DNAAF1: variants seen among roughly 807,000 people sequenced by gnomAD.
The protein encoded by DNAAF1 is dynein axonemal assembly factor 1.
Under a neutral mutation model 71.1 loss-of-function variants are expected in DNAAF1, and 65 were observed. The ratio of observed to expected loss-of-function variants is 0.91; its 90% confidence interval spans 0.75 to 1.12. DNAAF1 has a LOEUF of 1.12. DNAAF1 is among the 50% of genes most tolerant of loss of function. The pLI is 0.00. For missense variants in DNAAF1, 1,178 were observed against 899.8 expected (o/e 1.31, Z -3.96); for synonymous variants, 414 against 354.6 (o/e 1.17, Z -1.88).
Position 84,148,923 on chromosome 16 carries a change from G to A in DNAAF1, c.125-84G>A, listed in dbSNP as rs959853179. 12 of 1,493,328 alleles carry A rather than the reference G, an allele frequency of 8.0e-6. No individual in the cohort carries two copies. The Admixed American group carries it at 8.4e-5, about 10-fold the overall frequency. 92.5% of individuals were successfully genotyped at this position (1,493,328 alleles called of 1,614,324 possible). A position where few individuals can be genotyped will look rare whatever the true frequency, so the allele number is the denominator to read the frequency against. On this transcript the variant is annotated intron_variant, in intron 1 of 11. Coordinates refer to ENST00000378553, the MANE Select transcript of DNAAF1 (RefSeq NM_178452.6). Reference sequence around the variant, plus strand: ...ATACTGGTGTTCTATACTAAAAGTGGATGGTCATTAACCAAGCTGAAGTTG... The same window carrying A: ...ATACTGGTGTTCTATACTAAAAGTGAATGGTCATTAACCAAGCTGAAGTTG...
At chr16:84,149,456 C>A (rs1317161539) in intron 2 of DNAAF1, among the ~76,000 whole-genome samples, 1 of 152,082 alleles carries the variant, frequency 6.6e-6, no homozygotes, top group Non-Finnish European at 1.5e-5. Context: ...CTTTGGGAGG[C>A]TGAGGTGGGC....
intron 5 of DNAAF1, among the ~76,000 whole-genome samples, chr16:84,157,756 T>C (rs2087507354): frequency 6.6e-6 from 1 of 152,134 alleles, no homozygotes; most frequent in African/African-American, 2.4e-5. Context: ...CAAATCATAG[T>C]TCAGGAACAA....
Position 84,154,694 on chromosome 16 carries a change from T to G in DNAAF1, c.470T>G (p.Phe157Cys). The G allele has an allele frequency of 6.2e-7, 1 of 1,614,162 alleles. No homozygotes were observed. Among genetic ancestry groups the G allele is most frequent in the Non-Finnish European group, 8.5e-7 (1 of 1,180,042 alleles). Residue 157 changes from phenylalanine to cysteine, a missense_variant, in exon 4 of 12, where the codon TTC becomes TGC. Physicochemically the swap from Phe to Cys is radical, Grantham distance 205. Transcript: ENST00000378553. ...GCCCAAACTGAGTTGCGTTGCCTCT[T>G]CTTGCAAATGAACTTGCTCCGTAAA... is the stretch of plus-strand genomic sequence containing the variant. ...LEAQTELRCL[F>C]LQMNLLRKIE... is the part of the protein sequence containing the mutation.
At chr16:84,146,675 G>A (rs1362864130) in intron 1 of DNAAF1, among the ~76,000 whole-genome samples, 1 of 151,922 alleles carries the variant, frequency 6.6e-6, no homozygotes, top group Non-Finnish European at 1.5e-5. Flanking sequence ...CAAGGGGGAG[G>A]CTGAGGCTGC....
intron 2 of DNAAF1, among the ~76,000 whole-genome samples, chr16:84,150,031 A>C (rs2087111632): frequency 6.6e-6 from 1 of 152,206 alleles, no homozygotes; most frequent in Non-Finnish European, 1.5e-5. Flanking sequence ...TCTCAAAAAA[A>C]AAAATGCTGA....
intron 5 of DNAAF1, among the ~76,000 whole-genome samples, chr16:84,158,480 T>C (rs1451278161): frequency 1.3e-5 from 2 of 152,196 alleles, no homozygotes. Flanking sequence ...AAGTCTTATC[T>C]CCAAATACAG....
chr16:84,165,329 T>C lies in DNAAF1; in HGVS notation c.864-454T>C, dbSNP rs567881656. On this transcript the variant is annotated intron_variant, in intron 6 of 11. Coordinates refer to ENST00000378553, the MANE Select transcript of DNAAF1 (RefSeq NM_178452.6). ...ATCAAATATATGATTTGCAAGTATCTTCTCACATTCTTTGAGTTGTCTTTT... is the reference window on the plus strand; with the variant it reads ...ATCAAATATATGATTTGCAAGTATCCTCTCACATTCTTTGAGTTGTCTTTT... Among the ~76,000 whole-genome samples the C allele has an allele frequency of 1.2e-3, 178 of 152,292 alleles. 4 individuals are homozygous for C. In the South Asian group the frequency reaches 0.034, roughly 29 times the overall value.
chr16:84,155,481 T>C, intron 4 of DNAAF1, 102 bp from the exon 5 acceptor site: 5 of 1,320,684 alleles, frequency 3.8e-6, no homozygotes, highest in Non-Finnish European at 5.4e-6. Flanking sequence ...TCTCCCGCTT[T>C]AGCCTTCCAA....
chr16:84,145,398 G>A lies in DNAAF1; in HGVS notation c.-43G>A. 4 of 1,566,342 alleles carry A rather than the reference G, an allele frequency of 2.6e-6. No homozygotes were observed. The highest frequency in any genetic ancestry group is 3.5e-6 in the Non-Finnish European group (4 of 1,155,956). On this transcript the variant is annotated 5_prime_UTR_variant, in exon 1 of 12. Transcript: ENST00000378553. ...CGTAGCGACGTCCGCCGCGAACCTGGGCCCCCCAAAGCTGCGGGGCGTTCG... is the reference window on the plus strand; with the variant it reads ...CGTAGCGACGTCCGCCGCGAACCTGAGCCCCCCAAAGCTGCGGGGCGTTCG...
chr16:84,164,911 C>A (rs1423717757), intron 6 of DNAAF1, among the ~76,000 whole-genome samples: 1 of 152,188 alleles, frequency 6.6e-6, no homozygotes. Flanking sequence ...CGGGACTCCA[C>A]ATCCTCATTA....
At chr16:84,150,663 T>C (rs1008653555) in intron 3 of DNAAF1, among the ~76,000 whole-genome samples, 6 of 149,380 alleles carry the variant, frequency 4.0e-5, no homozygotes, top group South Asian at 2.1e-4. Flanking sequence ...TTGCCCAAGC[T>C]GAAGTGCAGT....
rs767391522 is a variant in DNAAF1 at position 84,148,997 on chromosome 16, T to C, written c.125-10T>C. 3.1e-6 allele frequency: 5 copies of C among 1,614,050 alleles called. No homozygotes were observed. Among genetic ancestry groups the C allele is most frequent in the South Asian group, 1.1e-5 (1 of 91,076 alleles). On this transcript the variant is annotated splice_polypyrimidine_tract_variant and intron_variant, in intron 1 of 11. Transcript: ENST00000378553. ...TGATCTCTACAGACCTGATCTCTTT[T>C]ATTTTACAGAAATTAATGATCCTAA...
rs185759917 is a variant in DNAAF1, at chr16:84,175,313, T to C, written c.1698+591T>C. ...GAAAGTACTTTCTGTCATTAAGATGTATTTCTATGTCCATCCTATGAATGT... is the reference window on the plus strand; with the variant it reads ...GAAAGTACTTTCTGTCATTAAGATGCATTTCTATGTCCATCCTATGAATGT... On this transcript the variant is annotated intron_variant, in intron 10 of 11. Coordinates refer to ENST00000378553, the MANE Select transcript of DNAAF1 (RefSeq NM_178452.6). 468 of 177,250 alleles carry C rather than the reference T, an allele frequency of 2.6e-3. 5 individuals carry two copies. The highest frequency in any genetic ancestry group is 4.8e-3 in the Non-Finnish European group (392 of 82,250). 11.0% of individuals were successfully genotyped at this position (177,250 alleles called of 1,614,324 possible).
chr16:84,160,751 G>A (rs967552595), intron 6 of DNAAF1, among the ~76,000 whole-genome samples: 8 of 151,742 alleles, frequency 5.3e-5, no homozygotes, highest in Admixed American at 2.6e-4. Flanking sequence ...TGGCTAACAC[G>A]GTGAAACCGC....
intron 1 of DNAAF1, 118 bp downstream of exon 1, chr16:84,145,682 TG>T: frequency 7.7e-7 from 1 of 1,303,890 alleles, no homozygotes; most frequent in South Asian, 1.5e-5. Flanking sequence ...ATAATAATAA[TG>T]GTAGCAAGCA....
Position 84,149,150 on chromosome 16 carries a change from G to C in DNAAF1, c.260+8G>C. ...GGAAGATCGGGGCCCCAGGTATGTG[G>C]GCATACTCCTAATTAGTGCACATTT... On this transcript the variant is annotated splice_region_variant and intron_variant, in intron 2 of 11. Coordinates refer to ENST00000378553, the MANE Select transcript of DNAAF1 (RefSeq NM_178452.6). 1.2e-6 allele frequency: 2 copies of C among 1,613,934 alleles called. No individual in the cohort carries two copies. Among genetic ancestry groups the C allele is most frequent in the Non-Finnish European group, 1.7e-6 (2 of 1,179,984 alleles).
chr16:84,162,743 CG>C (rs1251645223), intron 6 of DNAAF1, among the ~76,000 whole-genome samples: 1 of 151,914 alleles, frequency 6.6e-6, no homozygotes, highest in Non-Finnish European at 1.5e-5. Flanking sequence ...CGCTTGAACC[CG>C]GGAGGCGGAG....
chr16:84,172,158 T>A, intron 8 of DNAAF1, 102 bp from the exon 9 acceptor site: 2 of 1,099,132 alleles, frequency 1.8e-6, no homozygotes, highest in Non-Finnish European at 2.7e-6. Flanking sequence ...ATTACAGGCA[T>A]GAGCCACCGA....
intron 11 of DNAAF1, 194 bp downstream of exon 11, chr16:84,176,493 C>A: frequency 1.2e-6 from 1 of 848,900 alleles, no homozygotes; most frequent in Non-Finnish European, 1.8e-6. Context: ...TGCTGGTAGC[C>A]AGCCTGGGCC....
Sources: allele counts gnomAD v4.1 joint callset (sites outside exome capture counted in the v4.1 genomes callset), GRCh38; gene constraint gnomAD v4.1.1; transcripts MANE v1.5; gene names NCBI Gene and HGNC (gene_info 2026-07-23, HGNC 2026-07-21).